GREB1: variants seen among roughly 807,000 people sequenced by gnomAD.
The protein encoded by GREB1 is growth regulating estrogen receptor binding 1.
A neutral mutation model predicts 200.7 loss-of-function variants in GREB1; 106 were observed. That is an observed-to-expected ratio of 0.53 (90% CI 0.45 to 0.62). The LOEUF is 0.62. Among genes scored for constraint, GREB1 ranks in the 20% least tolerant of loss-of-function variants. The pLI is 0.00. For missense variants in GREB1, 2,243 were observed against 2,556.8 expected (o/e 0.88, Z 2.65); for synonymous variants, 1,132 against 1,092.4 (o/e 1.04, Z -0.72).
intron 1 of GREB1, among the ~76,000 whole-genome samples, chr2:11,502,943 C>A (rs898042176): frequency 4.6e-5 from 7 of 152,134 alleles, no homozygotes; most frequent in African/African-American, 1.7e-4. Context: ...AATTGAGATT[C>A]ATACGAAGTC....
chr2:11,519,886 C>A (rs752456257), intron 1 of GREB1, among the ~76,000 whole-genome samples: 3 of 152,192 alleles, frequency 2.0e-5, no homozygotes, highest in Non-Finnish European at 4.4e-5. Context: ...TCTATAATCC[C>A]AGCACTTTGG....
chr2:11,563,575 C>T (rs1677306270), intron 3 of GREB1, among the ~76,000 whole-genome samples: 1 of 152,230 alleles, frequency 6.6e-6, no homozygotes, highest in African/African-American at 2.4e-5. Context: ...GCTTGGGCAT[C>T]AGACACAACT....
intron 24 of GREB1, 78 bp downstream of exon 24, chr2:11,625,390 A>C: frequency 2.1e-6 from 3 of 1,420,842 alleles, no homozygotes; most frequent in Non-Finnish European, 2.9e-6. Flanking sequence ...GGATTTTGTT[A>C]GGCATGAAAT....
chr2:11,607,454 GTGTGTGTATA>G (rs1468170836), intron 17 of GREB1, among the ~76,000 whole-genome samples: 273 of 57,848 alleles, frequency 4.7e-3, no homozygotes, highest in South Asian at 0.014. Flanking sequence ...GTGTGTGTGT[GTGTGTGTATA>G]TATATATACA....
intron 27 of GREB1, 24 bp from the exon 28 acceptor site, chr2:11,632,865 G>A (rs1685000235): frequency 6.2e-7 from 1 of 1,609,086 alleles, no homozygotes; most frequent in Non-Finnish European, 8.5e-7. Flanking sequence ...TCAGTCCTGA[G>A]TCCAGGTGCT....
intron 9 of GREB1, 190 bp from the exon 10 acceptor site, chr2:11,588,556 C>T (rs1680404035): frequency 6.0e-6 from 4 of 662,904 alleles, no homozygotes; most frequent in Admixed American, 2.2e-5. Flanking sequence ...AAAGGTGACT[C>T]CTCTCATCCT....
At chr2:11,551,475 G>T (rs1298670747) in intron 1 of GREB1, among the ~76,000 whole-genome samples, 1 of 152,190 alleles carries the variant, frequency 6.6e-6, no homozygotes, top group Non-Finnish European at 1.5e-5. Flanking sequence ...TCGGTCTCTA[G>T]CTCTGCGGGT....
chr2:11,592,977 T>A lies in GREB1; in HGVS notation c.1547T>A (p.Val516Glu). ...GCCGCCAGCTCCTGCAACGACAGCG[T>A]GCACGTCATCGAGTGTGCTTACTCC... is the stretch of plus-strand genomic sequence containing the variant. ...SLAASSCNDS[V>E]HVIECAYSLA... The change falls in exon 11 of 33, where the codon GTG becomes GAG. Residue 516 changes from valine to glutamate, a missense_variant. Physicochemically the swap from Val to Glu is moderately radical, Grantham distance 121 (BLOSUM62 -2). Transcript: ENST00000381486. 6.2e-7 allele frequency: 1 copy of A among 1,605,000 alleles called. No individual in the cohort carries two copies.
chr2:11,552,822 T>C (rs374904210), intron 1 of GREB1, among the ~76,000 whole-genome samples: 6 of 151,906 alleles, frequency 3.9e-5, no homozygotes, highest in African/African-American at 7.3e-5. Context: ...CCATCCTGGC[T>C]AACACGGTGA....
At chr2:11,636,803 GA>G (rs1685371076) in intron 30 of GREB1, among the ~76,000 whole-genome samples, 1 of 144,270 alleles carries the variant, frequency 6.9e-6, no homozygotes, top group Non-Finnish European at 1.6e-5. Flanking sequence ...GGCAGGGGCA[GA>G]GGCAGGGACA....
chr2:11,621,007 A>C lies in GREB1; in HGVS notation c.4147A>C (p.Asn1383His). 6.4e-7 allele frequency: 1 copy of C among 1,569,952 alleles called. No homozygotes were observed. Among genetic ancestry groups the C allele is most frequent in the Non-Finnish European group, 8.8e-7 (1 of 1,139,550 alleles). The change falls in exon 23 of 33, where the codon AAC becomes CAC. Residue 1383 changes from asparagine to histidine, a missense_variant and splice_region_variant. This residue lies in a region of GREB1 where 587 missense variants were observed against 553.1 expected (regional missense o/e 1.06). Coordinates refer to ENST00000381486, the MANE Select transcript of GREB1 (RefSeq NM_014668.4). ...CTATGACGAGGAGGAGATCAATATC[A>C]GTGAGTTATCTGTTTGGGGTTATGT... ...DVYDEEEINI[N>H]LREESDWHYL...
intron 1 of GREB1, among the ~76,000 whole-genome samples, chr2:11,545,164 TA>T (rs929859814): frequency 6.6e-6 from 1 of 151,878 alleles, no homozygotes; most frequent in African/African-American, 2.4e-5. Flanking sequence ...TAGATGAGGC[TA>T]AAAAATGTGT....
rs1680448081 is a variant in GREB1 at position 11,588,941 on chromosome 2, C to T, written c.1345+10C>T. The T allele has an allele frequency of 1.9e-6, 3 of 1,611,376 alleles. No homozygotes were observed. Among genetic ancestry groups the T allele is most frequent in the Non-Finnish European group, 2.5e-6 (3 of 1,177,740 alleles). On this transcript the variant is annotated intron_variant, in intron 10 of 32. Coordinates refer to ENST00000381486, the MANE Select transcript of GREB1 (RefSeq NM_014668.4). ...TACCTGGTCCAGCTGGGTGAGTCAC[C>T]TCCACCTCCTGGCCCAGTGGCAGGG...
intron 26 of GREB1, among the ~76,000 whole-genome samples, chr2:11,631,110 A>T (rs1158461951): frequency 6.6e-6 from 1 of 152,110 alleles, no homozygotes; most frequent in Non-Finnish European, 1.5e-5. Flanking sequence ...CCACCACTCC[A>T]CTCACCTTCC....
intron 30 of GREB1, among the ~76,000 whole-genome samples, chr2:11,636,522 G>C (rs1572226602): frequency 6.6e-6 from 1 of 152,224 alleles, no homozygotes; most frequent in African/African-American, 2.4e-5. Flanking sequence ...TATTTAGTGA[G>C]CAGCCAATCC....
intron 1 of GREB1, among the ~76,000 whole-genome samples, chr2:11,508,145 C>T (rs1185842975): frequency 1.3e-5 from 2 of 152,210 alleles, no homozygotes; most frequent in Non-Finnish European, 2.9e-5. Context: ...CAGATAGACA[C>T]TGAGCTCTTC....
At position 11,494,855 on chromosome 2, in the gene GREB1, A is replaced by G. The variant is rs569110067; in HGVS notation, c.-159+12474A>G. 3.3e-5 allele frequency among the ~76,000 whole-genome samples: 5 copies of G among 152,326 alleles called. No homozygotes were observed. The South Asian group carries it at 1.0e-3, about 32-fold the overall frequency. ...CCGCAGGTGCTTAGACCATTGCCTC[A>G]TACATGAAAAGAGCCCCCAACTTGT... On this transcript the variant is annotated intron_variant, in intron 1 of 2. Transcript: ENST00000628795.
Position 11,491,266 on chromosome 2 carries a change from C to T in GREB1, c.-159+8885C>T, listed in dbSNP as rs1334037081. Among the ~76,000 whole-genome samples the T allele has an allele frequency of 2.6e-5, 4 of 152,210 alleles. No individual in the cohort carries two copies. In the East Asian group the frequency reaches 7.7e-4, roughly 29 times the overall value. Reference sequence around the variant, plus strand: ...GGCATGGTATAAATTTCTGTATCTACTGTTTTCATGATTTAGAAATCTTAA... The same window carrying T: ...GGCATGGTATAAATTTCTGTATCTATTGTTTTCATGATTTAGAAATCTTAA... On this transcript the variant is annotated intron_variant, in intron 1 of 2. Transcript: ENST00000628795.
chr2:11,569,648 T>G (rs1423223160), intron 4 of GREB1, among the ~76,000 whole-genome samples: 2 of 152,212 alleles, frequency 1.3e-5, no homozygotes, highest in Admixed American at 1.3e-4. Context: ...AAATAGCCAA[T>G]GCAGTGGGTC....
Sources: gnomAD v4.1 joint callset for allele counts (sites outside exome capture counted in the v4.1 genomes callset) on GRCh38, gnomAD v4.1.1 for gene constraint, gnomAD v4.1.1 regional missense constraint, MANE v1.5 for transcripts, NCBI Gene and HGNC (gene_info 2026-07-23, HGNC 2026-07-21) for gene names.